Variants in MAP2K7 observed in about 807,000 individuals in gnomAD.
MAP2K7 encodes the protein dual specificity mitogen-activated protein kinase kinase 7.
A neutral mutation model predicts 47.7 loss-of-function variants in MAP2K7; 12 were observed. The observed-to-expected ratio is 0.25, with a 90% CI of 0.16 to 0.41. The LOEUF (loss-of-function observed/expected upper bound fraction) is 0.41, where lower values mean the gene tolerates loss of function less well. Ranked by LOEUF, MAP2K7 falls within the 10% of genes least tolerant of loss-of-function variation. MAP2K7 has a pLI of 1.00. For synonymous variants in MAP2K7, 299 were observed against 243.0 expected, an observed-to-expected ratio of 1.23 and a Z score of -2.14; for missense variants, 415 against 600.3, an observed-to-expected ratio of 0.69 and a Z score of 3.23.
At chr19:7,905,934 C>T (rs1299220558) in intron 1 of MAP2K7, 1 of 1,266,106 alleles carries the variant, frequency 7.9e-7, no homozygotes, top group African/African-American at 1.5e-5. Flanking sequence ...AATGGCGTCC[C>T]CCAGCCCCCA....
chr19:7,905,011 C>T (rs1483425734), intron 1 of MAP2K7, among the ~76,000 whole-genome samples: 5 of 151,518 alleles, frequency 3.3e-5, no homozygotes, highest in African/African-American at 1.2e-4. Context: ...AGATCAGTAC[C>T]TCTCGCTTCA....
At chr19:7,904,475 C>A in intron 1 of MAP2K7, 1 of 373,168 alleles carries the variant, frequency 2.7e-6, no homozygotes, top group Non-Finnish European at 5.4e-6. Context: ...CCCCCTCCCC[C>A]GGCCTGGGGG....
At chr19:7,906,146 G>T in intron 1 of MAP2K7, 1 of 483,622 alleles carries the variant, frequency 2.1e-6, no homozygotes, top group Non-Finnish European at 3.8e-6. Context: ...GGGGGTGGGG[G>T]GGGTGCACGC....
intron 5 of MAP2K7, 51 bp from the exon 6 acceptor site, chr19:7,910,645 T>C: frequency 6.2e-7 from 1 of 1,608,528 alleles, no homozygotes; most frequent in Non-Finnish European, 8.5e-7. Flanking sequence ...GCAGAGCCTC[T>C]GGGGGGTGGG....
rs201101315 is a variant in MAP2K7, at chr19:7,912,383, G to A, written c.1212G>A (p.Pro404=). The change falls in exon 11 of 11, where the codon CCG becomes CCA. Residue 404 remains proline, a synonymous_variant. Transcript: ENST00000397979. The part of the protein sequence containing the change: ...FKDVMAKTES[P]RTSGVLSQPH... ...ATGTCATGGCGAAGACTGAGTCACC[G>A]CGGACTAGCGGCGTCCTGAGCCAGC... 4.2e-5 allele frequency: 68 copies of A among 1,612,886 alleles called. No individual in the cohort carries two copies. Among genetic ancestry groups the A allele is most frequent in the South Asian group, 1.2e-4 (11 of 91,094 alleles).
intron 9 of MAP2K7, 34 bp from the exon 10 acceptor site, chr19:7,912,115 G>C: frequency 6.2e-7 from 1 of 1,609,636 alleles, no homozygotes; most frequent in Non-Finnish European, 8.5e-7. Context: ...CTCCTCCCTC[G>C]TTCTCACATC....
intron 5 of MAP2K7, 59 bp downstream of exon 5, chr19:7,910,631 G>C: frequency 6.2e-7 from 1 of 1,610,912 alleles, no homozygotes; most frequent in Non-Finnish European, 8.5e-7. Flanking sequence ...CCCCTTCCTA[G>C]GGAGCAGAGC....
At chr19:7,910,638 G>A in intron 5 of MAP2K7, 58 bp from the exon 6 acceptor site, 1 of 1,609,618 alleles carries the variant, frequency 6.2e-7, no homozygotes, top group South Asian at 1.1e-5. Context: ...CTAGGGAGCA[G>A]AGCCTCTGGG....
chr19:7,911,315 C>T lies in MAP2K7; in HGVS notation c.921C>T (p.Ser307=), dbSNP rs762829838. The change falls in exon 8 of 11, where the codon AGC becomes AGT. Residue 307 remains serine (S), a synonymous_variant. Transcript: ENST00000397979. ...ATGACATCCGGGCCGACGTATGGAG[C>T]CTGGGCATCTCGTTGGTGAGTTGGG... ...PDYDIRADVW[S]LGISLVELAT... 6 of 1,613,326 alleles carry T rather than the reference C, an allele frequency of 3.7e-6. No individual in the cohort carries two copies. The highest frequency in any genetic ancestry group is 5.1e-6 in the Non-Finnish European group (6 of 1,179,994).
intron 1 of MAP2K7, among the ~76,000 whole-genome samples, chr19:7,905,278 GCACCCCACCCATTCCCTGGT>G (rs1427890398): frequency 6.6e-6 from 1 of 152,136 alleles, no homozygotes; most frequent in African/African-American, 2.4e-5. Context: ...CCGTATCTGG[GCACCCCACCCATTCCCTGGT>G]CACCCAGCCT....
intron 1 of MAP2K7, chr19:7,905,890 T>C: frequency 6.2e-7 from 1 of 1,605,442 alleles, no homozygotes; most frequent in Non-Finnish European, 8.5e-7. Context: ...CTTGGACATC[T>C]GCACCATTGA....
In MAP2K7 at chr19:7,904,025, G is replaced by A. The variant is rs756186509; in HGVS notation, c.81G>A (p.Arg27=). The A allele has an allele frequency of 2.8e-6, 4 of 1,409,754 alleles. No homozygotes were observed. The highest frequency in any genetic ancestry group is 3.8e-6 in the Non-Finnish European group (4 of 1,061,460). The allele number at this position is 1,409,754 out of a possible 1,614,324, so 87.3% of individuals were successfully genotyped here. Residue 27 remains arginine (R), a synonymous_variant, in exon 1 of 11, where the codon AGG becomes AGA. Transcript: ENST00000397979. ...LKQENREARR[R]IDLNLDISPQ... ...AGGAGAACCGGGAGGCCCGGCGGAG[G>A]ATCGACCTCAACCTGGATATCAGCC...
chr19:7,906,730 C>G (rs1982485016), intron 1 of MAP2K7: 1 of 152,272 alleles, frequency 6.6e-6, no homozygotes, highest in Non-Finnish European at 1.5e-5. Context: ...ATTAAAAATA[C>G]TAGAGATTAG....
At chr19:7,905,721 G>A in intron 1 of MAP2K7, 3 of 1,204,606 alleles carry the variant, frequency 2.5e-6, no homozygotes, top group Non-Finnish European at 3.7e-6. Flanking sequence ...CCTCGTTTAT[G>A]ATTTGATTTC....
At chr19:7,907,523 C>T (rs902249138) in intron 1 of MAP2K7, among the ~76,000 whole-genome samples, 3 of 152,232 alleles carry the variant, frequency 2.0e-5, no homozygotes, top group African/African-American at 4.8e-5. Flanking sequence ...TCATCCTCAC[C>T]CTCTTGCTCT....
At position 7,912,457 on chromosome 19, in the gene MAP2K7, G is replaced by A. The variant is rs367868279; in HGVS notation, c.*26G>A. On this transcript the variant is annotated 3_prime_UTR_variant, in exon 11 of 11. Transcript: ENST00000397979. ...CTGCTTGGCGGCGGCCAGCCCCACA[G>A]GGGGCCAGGGGCATGGCCACAGGCC... The A allele has an allele frequency of 2.5e-6, 4 of 1,595,922 alleles. No homozygotes were observed. The highest frequency in any genetic ancestry group is 4.5e-5 in the East Asian group (2 of 44,470).
rs1440230737 is a variant in MAP2K7, at chr19:7,910,455, A to G, written c.450A>G (p.Gln150=). 3 of 1,607,272 alleles carry G rather than the reference A, an allele frequency of 1.9e-6. No individual in the cohort carries two copies. Among genetic ancestry groups the G allele is most frequent in the South Asian group, 1.1e-5 (1 of 90,170 alleles). The change falls in exon 5 of 11, where the codon CAA becomes CAG. Residue 150 remains glutamine (Q), a splice_region_variant and synonymous_variant. Transcript: ENST00000397979. ...RKTGHVIAVK[Q]MRRSGNKEEN... ...CCCTCCTGTCCCTGCCTGTGCAGCA[A>G]ATGCGGCGCTCCGGGAACAAGGAGG...
chr19:7,911,874 C>G (rs981738353), intron 9 of MAP2K7, among the ~76,000 whole-genome samples: 1 of 152,170 alleles, frequency 6.6e-6, no homozygotes, highest in South Asian at 2.1e-4. Context: ...GGGCCATGTT[C>G]GATTCTCTCA....
Position 7,911,231 on chromosome 19 carries a change from TCTC to T in MAP2K7, c.856-14_856-12del, listed in dbSNP as rs760538458. On this transcript the variant is annotated splice_polypyrimidine_tract_variant and intron_variant, in intron 7 of 10. Coordinates refer to ENST00000397979, the MANE Select transcript of MAP2K7 (RefSeq NM_145185.4). Reference sequence around the variant, plus strand: ...CGGCCCCAGCCTTGGAGATACGTCTTCTCCTCCCCCCCCTGCAGCCCGAGCGCA... The same window carrying T: ...CGGCCCCAGCCTTGGAGATACGTCTTCTCCCCCCCCTGCAGCCCGAGCGCA... 57 of 1,605,940 alleles carry T rather than the reference TCTC, an allele frequency of 3.5e-5. No individual in the cohort carries two copies. The highest frequency in any genetic ancestry group is 1.8e-4 in the East Asian group (8 of 44,766).
Sources: gnomAD v4.1 joint callset for allele counts (sites outside exome capture counted in the v4.1 genomes callset) on GRCh38, gnomAD v4.1.1 for gene constraint, MANE v1.5 for transcripts, NCBI Gene and HGNC (gene_info 2026-07-23, HGNC 2026-07-21) for gene names.